Variants in IDE observed in about 807,000 individuals in gnomAD.
The protein encoded by IDE is insulin degrading enzyme.
A neutral mutation model predicts 133.2 loss-of-function variants in IDE; 58 were observed. The observed-to-expected ratio is 0.44, with a 90% CI of 0.35 to 0.54. IDE has a LOEUF of 0.54. Among genes scored for constraint, IDE ranks in the 20% least tolerant of loss-of-function variants. The pLI is 0.00. For synonymous variants in IDE, 396 were observed against 421.3 expected (o/e 0.94, Z 0.73); for missense variants, 981 against 1,234.0 (o/e 0.79, Z 3.07).
chr10:92,454,319 T>G lies in IDE; in HGVS notation c.*125A>C. 1.5e-6 allele frequency: 1 copy of G among 646,344 alleles called. No homozygotes were observed. 40.0% of individuals were successfully genotyped at this position (646,344 alleles called of 1,614,324 possible). A position where few individuals can be genotyped will look rare whatever the true frequency, so the allele number is the denominator to read the frequency against. Reference sequence around the variant, plus strand: ...TATAATATTTCTACATAATGACATTTGACAATTTTTTGTTTGTTTCTCTAA... The same window carrying G: ...TATAATATTTCTACATAATGACATTGGACAATTTTTTGTTTGTTTCTCTAA... On this transcript the variant is annotated 3_prime_UTR_variant, in exon 25 of 25. Coordinates refer to ENST00000265986, the MANE Select transcript of IDE (RefSeq NM_004969.4).
intron 6 of IDE, among the ~76,000 whole-genome samples, chr10:92,509,589 T>C (rs887628397): frequency 2.0e-5 from 3 of 151,440 alleles, no homozygotes; most frequent in African/African-American, 7.3e-5. Flanking sequence ...TGAGACTCCA[T>C]GTCAAAAAAA....
At position 92,510,100 on chromosome 10, in the gene IDE, C is replaced by A; in HGVS notation, c.847G>T (p.Val283Phe). Residue 283 changes from valine (V) to phenylalanine (F), a missense_variant, in exon 6 of 25, where the codon GTT (valine) becomes TTT (phenylalanine). By Grantham distance (50) the Val-to-Phe change is conservative. Around this residue, in one of 2 missense-constraint regions of IDE, gnomAD observed 321 missense variants for 339.3 expected, o/e 0.95. Transcript: ENST00000265986. ...KLFSEVENKNVPLPEFPEHPF... is the reference protein window; with the variant it reads ...KLFSEVENKNFPLPEFPEHPF... ...TGTTCAGGAAATTCTGGCAATGGAA[C>A]ATTTTTGTTCTCTACTTCAGAAAAT... 1 of 1,606,574 alleles carries A rather than the reference C, an allele frequency of 6.2e-7. No homozygotes were observed. The highest frequency in any genetic ancestry group is 8.5e-7 in the Non-Finnish European group (1 of 1,174,478).
intron 15 of IDE, chr10:92,478,820 T>C: frequency 8.7e-7 from 1 of 1,153,644 alleles, no homozygotes; most frequent in Non-Finnish European, 1.1e-6. Flanking sequence ...AGAAATGCTT[T>C]GATACCTCAA....
chr10:92,495,310 T>A (rs538324943), intron 11 of IDE, among the ~76,000 whole-genome samples: 1 of 145,864 alleles, frequency 6.9e-6, no homozygotes, highest in South Asian at 2.2e-4. Context: ...AACCTCCGCC[T>A]CCTGGATTCA....
intron 1 of IDE, among the ~76,000 whole-genome samples, chr10:92,556,179 C>CAAAAAAAAAAAAAAAAAA: frequency 1.4e-5 from 1 of 69,210 alleles, no homozygotes; most frequent in Non-Finnish European, 2.5e-5. Flanking sequence ...GACTCCGTCT[C>CAAAAAAAAAAAAAAAAAA]AAAAAAAAAA....
intron 20 of IDE, among the ~76,000 whole-genome samples, chr10:92,464,480 G>T (rs1170476749): frequency 2.0e-5 from 3 of 152,098 alleles, no homozygotes; most frequent in African/African-American, 7.2e-5. Context: ...ACTCTCTAGA[G>T]ATCAAGCTAA....
chr10:92,484,975 T>C (rs1188967651), intron 13 of IDE, among the ~76,000 whole-genome samples: 1 of 151,808 alleles, frequency 6.6e-6, no homozygotes, highest in Non-Finnish European at 1.5e-5. Context: ...TGGATCACTT[T>C]AGCCCAGGAG....
intron 5 of IDE, 31 bp downstream of exon 5, chr10:92,514,889 C>T: frequency 1.9e-6 from 3 of 1,585,770 alleles, no homozygotes; most frequent in Admixed American, 1.7e-5. Context: ...TTATATTATC[C>T]AATTCTATAA....
chr10:92,572,864 G>T, intron 1 of IDE: 2 of 983,296 alleles, frequency 2.0e-6, no homozygotes, highest in Non-Finnish European at 2.4e-6. Context: ...CCCATCTCTG[G>T]CCCCACACAC....
chr10:92,535,605 G>A (rs570540455), intron 2 of IDE, among the ~76,000 whole-genome samples: 1 of 152,250 alleles, frequency 6.6e-6, no homozygotes, highest in African/African-American at 2.4e-5. Context: ...AATCACCCTG[G>A]TAGTCTAAGG....
intron 4 of IDE, among the ~76,000 whole-genome samples, chr10:92,522,331 T>C (rs1849270262): frequency 6.6e-6 from 1 of 152,172 alleles, no homozygotes; most frequent in African/African-American, 2.4e-5. Flanking sequence ...CCAGGCTCAC[T>C]CCTTGGTCTT....
At chr10:92,480,215 C>G (rs1457586726) in intron 14 of IDE, among the ~76,000 whole-genome samples, 1 of 152,148 alleles carries the variant, frequency 6.6e-6, no homozygotes, top group Non-Finnish European at 1.5e-5. Flanking sequence ...ATGACCTGCT[C>G]CTTTGACTAT....
rs1025510681 is a variant in IDE at position 92,574,014 on chromosome 10, C to A, written c.6G>T (p.Arg2=). 4.6e-6 allele frequency: 7 copies of A among 1,512,498 alleles called. No individual in the cohort carries two copies. The Admixed American group carries it at 6.5e-5, about 14-fold the overall frequency. 93.7% of individuals were successfully genotyped at this position (1,512,498 alleles called of 1,614,324 possible). The change falls in exon 1 of 25, where the codon CGG becomes CGT. Residue 2 remains arginine (R), a synonymous_variant. Coordinates refer to ENST00000265986, the MANE Select transcript of IDE (RefSeq NM_004969.4). M[R]YRLAWLLHPA... ...GGTGCAGAAGCCACGCTAGCCGGTA[C>A]CGCATTAGCCAGCGCAGTCGCCGGG...
intron 5 of IDE, among the ~76,000 whole-genome samples, chr10:92,512,646 C>T (rs929787554): frequency 2.0e-5 from 3 of 151,776 alleles, no homozygotes; most frequent in African/African-American, 4.8e-5. Context: ...TCTAAACCCA[C>T]CTACCTGAAG....
chr10:92,573,086 G>A, intron 1 of IDE: 3 of 985,368 alleles, frequency 3.0e-6, no homozygotes, highest in Non-Finnish European at 3.6e-6. Flanking sequence ...TTCTAGGGAG[G>A]GCAAGATAAT....
Position 92,550,871 on chromosome 10 carries a change from A to T in IDE, c.99-13321T>A, listed in dbSNP as rs1438071256. Among the ~76,000 whole-genome samples the T allele has an allele frequency of 2.0e-5, 3 of 152,182 alleles. 1 individual carries two copies. The highest frequency in any genetic ancestry group is 4.4e-5 in the Non-Finnish European group (3 of 68,032). On this transcript the variant is annotated intron_variant, in intron 1 of 24. Coordinates refer to ENST00000265986, the MANE Select transcript of IDE (RefSeq NM_004969.4). Reference sequence around the variant, plus strand: ...GCAACAGAGCGAGACTCGGTCTCAAAAAATAATATTAAAAAATAAAATAGA... The same window carrying T: ...GCAACAGAGCGAGACTCGGTCTCAATAAATAATATTAAAAAATAAAATAGA...
At chr10:92,552,891 A>G (rs1275645555) in intron 1 of IDE, among the ~76,000 whole-genome samples, 2 of 143,344 alleles carry the variant, frequency 1.4e-5, no homozygotes, top group African/African-American at 5.0e-5. Flanking sequence ...ATTTTCCAAT[A>G]AAAGGAACTA....
At chr10:92,477,719 A>T (rs1366267967) in intron 15 of IDE, among the ~76,000 whole-genome samples, 1 of 152,238 alleles carries the variant, frequency 6.6e-6, no homozygotes, top group Non-Finnish European at 1.5e-5. Context: ...CCATTTTGTC[A>T]TAAATAAAAA....
At chr10:92,550,698 C>T (rs564462896) in intron 1 of IDE, among the ~76,000 whole-genome samples, 7 of 147,886 alleles carry the variant, frequency 4.7e-5, no homozygotes, top group Non-Finnish European at 1.0e-4. Flanking sequence ...GGTGAAACCC[C>T]GTTTCTACTA....
Sources: gnomAD v4.1 joint callset for allele counts (sites outside exome capture counted in the v4.1 genomes callset) on GRCh38, gnomAD v4.1.1 for gene constraint, gnomAD v4.1.1 regional missense constraint, MANE v1.5 for transcripts, NCBI Gene and HGNC (gene_info 2026-07-23, HGNC 2026-07-21) for gene names.